The following SP100 variants were observed in gnomAD, a reference collection of about 807,000 sequenced individuals.
SP100 encodes the protein SP100 nuclear body protein, also known as nuclear autoantigen Sp-100.
A neutral mutation model predicts 130.0 loss-of-function variants in SP100; 84 were observed. The observed-to-expected ratio is 0.65, with a 90% CI of 0.54 to 0.77. SP100 has a LOEUF of 0.77. Ranked by LOEUF, SP100 falls within the 30% of genes least tolerant of loss-of-function variation. SP100 has a pLI of 0.00. For missense variants in SP100, 978 were observed against 1,052.2 expected (o/e 0.93, Z 0.97); for synonymous variants, 331 against 351.7 (o/e 0.94, Z 0.66).
At chr2:230,524,386 A>T (rs1461302971) in intron 24 of SP100, among the ~76,000 whole-genome samples, 1 of 151,302 alleles carries the variant, frequency 6.6e-6, no homozygotes, top group Non-Finnish European at 1.5e-5. Flanking sequence ...AAGAAAAGAA[A>T]AGGAAAAAAA....
At chr2:230,499,244 C>T (rs1001906140) in intron 19 of SP100, among the ~76,000 whole-genome samples, 1 of 151,672 alleles carries the variant, frequency 6.6e-6, no homozygotes, top group African/African-American at 2.4e-5. Context: ...CTCTAAAATG[C>T]AAAGCCTCCT....
chr2:230,505,118 T>C (rs1186263090), intron 21 of SP100, among the ~76,000 whole-genome samples: 4 of 152,200 alleles, frequency 2.6e-5, no homozygotes, highest in Non-Finnish European at 5.9e-5. Flanking sequence ...AACTTGCATA[T>C]GGACAATGGC....
At chr2:230,431,738 T>C (rs1436759394) in intron 2 of SP100, among the ~76,000 whole-genome samples, 1 of 152,210 alleles carries the variant, frequency 6.6e-6, no homozygotes, top group Non-Finnish European at 1.5e-5. Context: ...TGGCAGAATG[T>C]TGAAACATCC....
chr2:230,427,472 T>C (rs1471910034), intron 2 of SP100, among the ~76,000 whole-genome samples: 1 of 152,174 alleles, frequency 6.6e-6, no homozygotes, highest in East Asian at 1.9e-4. Context: ...AAAATGAGAC[T>C]CTTCTATGCA....
chr2:230,436,721 A>T (rs2063279352), intron 2 of SP100, among the ~76,000 whole-genome samples: 1 of 152,136 alleles, frequency 6.6e-6, no homozygotes, highest in South Asian at 2.1e-4. Context: ...TCTAGTTCTT[A>T]TGAATTTTAT....
At chr2:230,486,948 A>T (rs1176612215) in intron 17 of SP100, among the ~76,000 whole-genome samples, 3 of 152,128 alleles carry the variant, frequency 2.0e-5, no homozygotes, top group Non-Finnish European at 4.4e-5. Flanking sequence ...GCTTGTTTTC[A>T]TGTTCATTGG....
intron 2 of SP100, among the ~76,000 whole-genome samples, chr2:230,436,886 A>ATG (rs2063290460): frequency 1.3e-5 from 2 of 148,614 alleles, no homozygotes; most frequent in Non-Finnish European, 3.0e-5. Context: ...ATACACACAC[A>ATG]TATATGTGTA....
intron 3 of SP100, 127 bp from the exon 4 acceptor site, chr2:230,444,051 T>C (rs1022643190): frequency 2.9e-6 from 2 of 696,226 alleles, no homozygotes; most frequent in African/African-American, 3.7e-5. Flanking sequence ...AAGTAAAAAT[T>C]ATAGAACCTC....
chr2:230,463,020 G>T (rs2064747093), intron 10 of SP100, among the ~76,000 whole-genome samples: 1 of 152,174 alleles, frequency 6.6e-6, no homozygotes, highest in African/African-American at 2.4e-5. Flanking sequence ...TTGAAGTATT[G>T]TTTCTGATAG....
chr2:230,536,977 G>A (rs1691970707), intron 24 of SP100, among the ~76,000 whole-genome samples: 3 of 152,286 alleles, frequency 2.0e-5, no homozygotes, highest in African/African-American at 7.2e-5. Context: ...TGCCATGTAA[G>A]CTAGGCACAG....
intron 21 of SP100, among the ~76,000 whole-genome samples, chr2:230,505,347 A>C (rs957268858): frequency 6.6e-6 from 1 of 152,214 alleles, no homozygotes; most frequent in African/African-American, 2.4e-5. Context: ...ACATCTGAGA[A>C]TCTCAGCAGT....
At chr2:230,475,240 T>C (rs2065480966) in intron 17 of SP100, among the ~76,000 whole-genome samples, 1 of 152,208 alleles carries the variant, frequency 6.6e-6, no homozygotes, top group South Asian at 2.1e-4. Context: ...CTCTGAGTAG[T>C]GTGAGATGGT....
chr2:230,509,069 G>C (rs959487899), intron 23 of SP100: 3 of 152,178 alleles, frequency 2.0e-5, no homozygotes, highest in Non-Finnish European at 4.4e-5. Flanking sequence ...TTTGTGGAGA[G>C]GCCCTTTGGC....
In SP100 at chr2:230,543,061, T is replaced by C. The variant is rs1692237569; in HGVS notation, c.*115T>C. On this transcript the variant is annotated 3_prime_UTR_variant, in exon 29 of 29. Transcript: ENST00000340126. ...CTCCACATCACAATTCTCCAAAATT[T>C]ATCATTGCCATTTTAAAACCGTCTT... 1.7e-6 allele frequency: 1 copy of C among 579,236 alleles called. No individual in the cohort carries two copies. The highest frequency in any genetic ancestry group is 3.1e-6 in the Non-Finnish European group (1 of 322,582). 35.9% of individuals were successfully genotyped at this position (579,236 alleles called of 1,614,324 possible).
chr2:230,506,250 C>A, intron 21 of SP100, 53 bp from the exon 22 acceptor site: 1 of 1,601,040 alleles, frequency 6.2e-7, no homozygotes, highest in Non-Finnish European at 8.5e-7. Context: ...TGGGGGGAGG[C>A]CAAGTTCAGG....
chr2:230,438,264 C>CT (rs1559487480), intron 2 of SP100, among the ~76,000 whole-genome samples: 1 of 151,726 alleles, frequency 6.6e-6, no homozygotes, highest in Non-Finnish European at 1.5e-5. Context: ...ATTTTTCATA[C>CT]TTTTTCCATT....
At chr2:230,425,898 G>T (rs141343406) in intron 2 of SP100, among the ~76,000 whole-genome samples, 1 of 151,640 alleles carries the variant, frequency 6.6e-6, no homozygotes, top group Non-Finnish European at 1.5e-5. Flanking sequence ...TTTCTTTAAT[G>T]GAAAGTTGTT....
At chr2:230,453,115 G>A (rs1379588283) in intron 8 of SP100, among the ~76,000 whole-genome samples, 5 of 152,116 alleles carry the variant, frequency 3.3e-5, no homozygotes, top group East Asian at 1.9e-4. Context: ...GGAAACTTAC[G>A]ATCATGGCAG....
At position 230,448,432 on chromosome 2, in the gene SP100, A is replaced by G. The variant is rs562594085; in HGVS notation, c.524-656A>G. On this transcript the variant is annotated intron_variant, in intron 5 of 28. Coordinates refer to ENST00000340126, the MANE Select transcript of SP100 (RefSeq NM_001080391.2). Reference sequence around the variant, plus strand: ...CTATTTTGCAGATAAGGTAACTGAAATCCAGAGATACCACAAATGGAGTTT... The same window carrying G: ...CTATTTTGCAGATAAGGTAACTGAAGTCCAGAGATACCACAAATGGAGTTT... Among the ~76,000 whole-genome samples, 20 of 152,326 alleles carry G rather than the reference A, an allele frequency of 1.3e-4. No individual in the cohort carries two copies. The East Asian group carries it at 3.7e-3, about 28-fold the overall frequency.
Sources: gnomAD v4.1 joint callset for allele counts (sites outside exome capture counted in the v4.1 genomes callset) on GRCh38, gnomAD v4.1.1 for gene constraint, MANE v1.5 for transcripts, NCBI Gene and HGNC (gene_info 2026-07-23, HGNC 2026-07-21) for gene names.